Variants in DPYD observed in about 807,000 individuals in gnomAD.
DPYD encodes the protein dihydropyrimidine dehydrogenase.
In DPYD, 109 loss-of-function variants were observed where a neutral mutation model predicts 116.2. That is an observed-to-expected ratio of 0.94 (90% CI 0.80 to 1.10). The LOEUF is 1.10. Ranked by LOEUF, DPYD falls within the 50% of genes least tolerant of loss-of-function variation. The pLI is 0.00. For missense variants in DPYD, 1,302 were observed against 1,254.5 expected (o/e 1.04, Z -0.57); for synonymous variants, 440 against 432.0 (o/e 1.02, Z -0.23).
At chr1:97,658,662 C>G (rs1184526688) in intron 8 of DPYD, among the ~76,000 whole-genome samples, 1 of 152,122 alleles carries the variant, frequency 6.6e-6, no homozygotes, top group African/African-American at 2.4e-5. Context: ...AACCTCTGTC[C>G]AGCCCATCTC....
intron 14 of DPYD, among the ~76,000 whole-genome samples, chr1:97,398,893 G>A (rs1673175990): frequency 6.6e-6 from 1 of 152,120 alleles, no homozygotes; most frequent in Non-Finnish European, 1.5e-5. Context: ...CCATTCTGTA[G>A]GTTGCCTGTT....
intron 20 of DPYD, among the ~76,000 whole-genome samples, chr1:97,168,056 A>G (rs578013847): frequency 6.6e-6 from 1 of 152,348 alleles, no homozygotes; most frequent in East Asian, 1.9e-4. Context: ...ATAAACCTAA[A>G]GTTTTTATTC....
intron 8 of DPYD, among the ~76,000 whole-genome samples, chr1:97,674,265 C>A (rs760407611): frequency 7.9e-5 from 12 of 152,174 alleles, no homozygotes; most frequent in Non-Finnish European, 5.9e-5. Flanking sequence ...AAAGACTATT[C>A]ATCTCTACAA....
intron 20 of DPYD, among the ~76,000 whole-genome samples, chr1:97,101,926 T>G (rs1334015843): frequency 1.3e-5 from 2 of 152,000 alleles, no homozygotes; most frequent in Non-Finnish European, 2.9e-5. Flanking sequence ...CCAGAAAGGC[T>G]AAATCCTACT....
At chr1:97,088,959 C>T (rs1649710474) in intron 21 of DPYD, among the ~76,000 whole-genome samples, 1 of 152,170 alleles carries the variant, frequency 6.6e-6, no homozygotes, top group African/African-American at 2.4e-5. Flanking sequence ...ATTTTTCTTT[C>T]TGTTCCCTCC....
chr1:97,438,685 G>A (rs1029307101), intron 14 of DPYD, among the ~76,000 whole-genome samples: 4 of 151,866 alleles, frequency 2.6e-5, no homozygotes, highest in African/African-American at 7.2e-5. Flanking sequence ...CAGTAATGAA[G>A]AGAAGGTGTT....
rs147744052 is a variant in DPYD at position 97,607,432 on chromosome 1, A to G, written c.851-12266T>C. Among the ~76,000 whole-genome samples, 7 of 151,942 alleles carry G rather than the reference A, an allele frequency of 4.6e-5. No homozygotes were observed. In the East Asian group the frequency reaches 7.7e-4, roughly 17 times the overall value. ...AGGGAAGAGTGTTGTTCCTTTTTGG[A>G]CATATTTAATGGAGTGTGGAACAAA... On this transcript the variant is annotated intron_variant, in intron 8 of 22. Coordinates refer to ENST00000370192, the MANE Select transcript of DPYD (RefSeq NM_000110.4).
At chr1:97,373,501 C>T in intron 16 of DPYD, 60 bp downstream of exon 16, 1 of 1,426,706 alleles carries the variant, frequency 7.0e-7, no homozygotes, top group Middle Eastern at 1.8e-4. Context: ...TAGTAACTAT[C>T]CATACGGGGG....
At chr1:97,312,235 T>C (rs1168693965) in intron 16 of DPYD, among the ~76,000 whole-genome samples, 1 of 151,874 alleles carries the variant, frequency 6.6e-6, no homozygotes, top group Non-Finnish European at 1.5e-5. Context: ...TCACCTATCA[T>C]GATTTGCCGA....
intron 20 of DPYD, among the ~76,000 whole-genome samples, chr1:97,168,848 A>AT (rs11457298): frequency 0.3 from 42,620 of 142,398 alleles, 6,504 homozygotes; most frequent in Middle Eastern, 0.36. Context: ...CCACTTAGTA[A>AT]TTTTTTTTTT....
At chr1:97,615,048 C>T (rs949622104) in intron 8 of DPYD, among the ~76,000 whole-genome samples, 1 of 152,100 alleles carries the variant, frequency 6.6e-6, no homozygotes, top group Non-Finnish European at 1.5e-5. Flanking sequence ...TATTTGAATA[C>T]TAGTGCTAAC....
intron 2 of DPYD, among the ~76,000 whole-genome samples, chr1:97,853,502 C>A (rs1670667969): frequency 1.3e-5 from 2 of 152,104 alleles, no homozygotes; most frequent in Non-Finnish European, 2.9e-5. Context: ...TGATTTTGTT[C>A]CTAACCAAGT....
intron 8 of DPYD, among the ~76,000 whole-genome samples, chr1:97,669,371 C>A (rs1391910290): frequency 6.6e-6 from 1 of 152,026 alleles, no homozygotes; most frequent in Admixed American, 6.6e-5. Flanking sequence ...CCTGACATAA[C>A]TTATAACAGT....
At chr1:97,176,816 T>C (rs1657293253) in intron 20 of DPYD, among the ~76,000 whole-genome samples, 1 of 150,364 alleles carries the variant, frequency 6.7e-6, no homozygotes, top group Non-Finnish European at 1.5e-5. Flanking sequence ...CATACAACAA[T>C]ATGAGAGCCA....
At chr1:97,098,747 T>G (rs1650448656) in intron 20 of DPYD, 115 bp from the exon 21 acceptor site, 6 of 1,229,322 alleles carry the variant, frequency 4.9e-6, no homozygotes, top group Non-Finnish European at 6.9e-6. Context: ...GATTGTTTCA[T>G]GTATACTGTA....
intron 20 of DPYD, among the ~76,000 whole-genome samples, chr1:97,131,535 G>A (rs12091480): frequency 0.032 from 4,837 of 152,222 alleles, 242 homozygotes; most frequent in African/African-American, 0.11. Flanking sequence ...GCTGGTCCCT[G>A]CTATATGTCA....
At chr1:97,784,194 C>T (rs183510421) in intron 3 of DPYD, among the ~76,000 whole-genome samples, 4 of 152,176 alleles carry the variant, frequency 2.6e-5, no homozygotes, top group Admixed American at 6.5e-5. Context: ...GGAGACATGA[C>T]GATTCCTGCT....
intron 12 of DPYD, among the ~76,000 whole-genome samples, chr1:97,520,521 T>C (rs759582542): frequency 1.3e-5 from 2 of 152,130 alleles, no homozygotes; most frequent in Non-Finnish European, 2.9e-5. Context: ...CTGGGATACA[T>C]GTGCACAATG....
chr1:97,580,292 A>G (rs1653548267), intron 10 of DPYD, among the ~76,000 whole-genome samples: 1 of 152,232 alleles, frequency 6.6e-6, no homozygotes, highest in Non-Finnish European at 1.5e-5. Flanking sequence ...ATTCTATATG[A>G]ACACAAAAAC....
Sources: allele counts gnomAD v4.1 joint callset (sites outside exome capture counted in the v4.1 genomes callset), GRCh38; gene constraint gnomAD v4.1.1; transcripts MANE v1.5; gene names NCBI Gene and HGNC (gene_info 2026-07-23, HGNC 2026-07-21).